ANK3: variants seen among roughly 807,000 people sequenced by gnomAD.
ANK3 encodes ankyrin-3.
Under a neutral mutation model 370.9 loss-of-function variants are expected in ANK3, and 57 were observed. The ratio of observed to expected loss-of-function variants is 0.15; its 90% confidence interval spans 0.12 to 0.19. The LOEUF is 0.19. ANK3 is among the 10% of genes least tolerant of loss of function. The pLI is 1.00. For synonymous variants in ANK3, 1,929 were observed against 1,946.3 expected (o/e 0.99, Z 0.23); for missense variants, 4,439 against 5,302.1 (o/e 0.84, Z 5.06).
chr10:60,169,957 A>G (rs958460663), intron 21 of ANK3, among the ~76,000 whole-genome samples: 7 of 152,066 alleles, frequency 4.6e-5, no homozygotes, highest in African/African-American at 1.7e-4. Context: ...TGACACTCTA[A>G]GATGTTCCAG....
chr10:60,478,131 T>A (rs981188954), intron 2 of ANK3, among the ~76,000 whole-genome samples: 1 of 152,072 alleles, frequency 6.6e-6, no homozygotes, highest in Non-Finnish European at 1.5e-5. Flanking sequence ...TTTCCTGATA[T>A]AACATTTATA....
intron 1 of ANK3, among the ~76,000 whole-genome samples, chr10:60,382,453 A>G (rs940420755): frequency 6.6e-6 from 1 of 152,144 alleles, no homozygotes; most frequent in African/African-American, 2.4e-5. Context: ...AACCAATTAA[A>G]TCTAAATTGA....
intron 23 of ANK3, chr10:60,140,500 T>A: frequency 6.5e-7 from 1 of 1,546,916 alleles, no homozygotes; most frequent in Admixed American, 1.9e-5. Context: ...TCACCACCGC[T>A]GAATTCCTCT....
At chr10:60,496,438 T>A (rs945993713) in intron 2 of ANK3, among the ~76,000 whole-genome samples, 1 of 152,168 alleles carries the variant, frequency 6.6e-6, no homozygotes, top group African/African-American at 2.4e-5. Context: ...AAACAAACCA[T>A]TGGTAAAACA....
At chr10:60,208,895 G>T (rs1393596084) in intron 9 of ANK3, among the ~76,000 whole-genome samples, 7 of 152,294 alleles carry the variant, frequency 4.6e-5, no homozygotes, top group Non-Finnish European at 1.5e-5. Context: ...ATGAGGAAAG[G>T]CAAGGCATTG....
chr10:60,679,179 G>T (rs2079162733), intron 1 of ANK3, among the ~76,000 whole-genome samples: 1 of 152,164 alleles, frequency 6.6e-6, no homozygotes, highest in African/African-American at 2.4e-5. Context: ...GGACAGGGCA[G>T]GCAAAGAGCT....
chr10:60,349,105 G>T (rs1030525192), intron 1 of ANK3, among the ~76,000 whole-genome samples: 12 of 152,112 alleles, frequency 7.9e-5, no homozygotes, highest in Admixed American at 6.6e-4. Flanking sequence ...CATCAGTACC[G>T]CCACAACTTA....
chr10:60,207,981 GCAGCA>G, intron 10 of ANK3, 50 bp downstream of exon 10: 1 of 1,457,326 alleles, frequency 6.9e-7, no homozygotes. Flanking sequence ...ACATACAGAG[GCAGCA>G]CGTTGTGAGC....
At chr10:60,546,542 A>G (rs1386012453) in intron 2 of ANK3, among the ~76,000 whole-genome samples, 2 of 152,158 alleles carry the variant, frequency 1.3e-5, no homozygotes, top group African/African-American at 4.8e-5. Context: ...CTTTAGAGTA[A>G]ATTCTTATTC....
intron 2 of ANK3, among the ~76,000 whole-genome samples, chr10:60,416,588 CTT>C (rs1333369506): frequency 6.6e-6 from 1 of 152,146 alleles, no homozygotes; most frequent in African/African-American, 2.4e-5. Flanking sequence ...CATTAGGAAA[CTT>C]TTGGAATGAT....
rs1482486948 is a variant in ANK3, at chr10:60,080,544, A to C, written c.4425T>G (p.Pro1475=). 2.5e-6 allele frequency: 4 copies of C among 1,612,480 alleles called. No individual in the cohort carries two copies. The highest frequency in any genetic ancestry group is 3.4e-6 in the Non-Finnish European group (4 of 1,179,060). The part of the protein sequence containing the change: ...LRKRYSYLTE[P]GMIERSTGAT... ...ATGTGTTAGGAAACTCACTCATTCCAGGCTCAGTCAAGTAGCTGTAGCGCT... is the reference window on the plus strand; with the variant it reads ...ATGTGTTAGGAAACTCACTCATTCCCGGCTCAGTCAAGTAGCTGTAGCGCT... The change falls in exon 36 of 44, where the codon CCT becomes CCG. Residue 1475 remains proline, a synonymous_variant. Transcript: ENST00000280772.
chr10:60,395,596 C>CTTTCTT lies in ANK3; in HGVS notation c.97-115963_97-115958dup, dbSNP rs1555367198. Among the ~76,000 whole-genome samples, 146 of 123,958 alleles carry CTTTCTT rather than the reference C, an allele frequency of 1.2e-3. 1 individual carries two copies. The highest frequency in any genetic ancestry group is 4.3e-3 in the African/African-American group (124 of 28,892). The allele number at this position is 123,958 out of a possible 152,430, so 81.3% of individuals were successfully genotyped here. ...TCTTTCTTTCTTTCTTTCTTTCTTT[C>CTTTCTT]TTTCTTTCTTTCTCTCTTTCGTTCT... On this transcript the variant is annotated intron_variant, in intron 2 of 43. Transcript: ENST00000373827.
chr10:60,146,638 G>A (rs1205331246), intron 23 of ANK3, among the ~76,000 whole-genome samples: 1 of 152,026 alleles, frequency 6.6e-6, no homozygotes, highest in Non-Finnish European at 1.5e-5. Context: ...ACAGGCACCC[G>A]CCACCAAGCC....
intron 2 of ANK3, among the ~76,000 whole-genome samples, chr10:60,405,959 G>A (rs933534457): frequency 1.4e-4 from 21 of 152,054 alleles, no homozygotes; most frequent in Admixed American, 6.6e-5. Context: ...CCCTTTTTCA[G>A]TTTACATATA....
chr10:60,051,036 A>T lies in ANK3; in HGVS notation c.13065+4622T>A, dbSNP rs1335031611. On this transcript the variant is annotated intron_variant, in intron 42 of 43. Transcript: ENST00000280772. The stretch of plus-strand genomic sequence containing the variant: ...TTAATTTAAAAATTCTTAAGGCAGT[A>T]GGAATTTGAGACTGAGAAGGAAGCC... Among the ~76,000 whole-genome samples, 5 of 152,136 alleles carry T rather than the reference A, an allele frequency of 3.3e-5. No individual in the cohort carries two copies. The East Asian group carries it at 9.6e-4, about 29-fold the overall frequency.
chr10:60,541,487 C>G (rs2076847697), intron 2 of ANK3, among the ~76,000 whole-genome samples: 1 of 151,944 alleles, frequency 6.6e-6, no homozygotes, highest in African/African-American at 2.4e-5. Context: ...TTAAACTGCT[C>G]TGCAATACTG....
chr10:60,625,029 CTT>C (rs1191790129), intron 1 of ANK3, among the ~76,000 whole-genome samples: 1 of 152,076 alleles, frequency 6.6e-6, no homozygotes, highest in Non-Finnish European at 1.5e-5. Flanking sequence ...CCTTTGGCAT[CTT>C]GTCTGGCCAA....
At chr10:60,186,568 G>T in intron 17 of ANK3, 147 bp downstream of exon 17, 2 of 931,664 alleles carry the variant, frequency 2.1e-6, no homozygotes, top group Non-Finnish European at 1.7e-6. Flanking sequence ...TTTTTGCTCT[G>T]TTAAGTAACA....
rs184731685 is a variant in ANK3, at chr10:60,468,025, C to T, written c.96+147161G>A. On this transcript the variant is annotated intron_variant, in intron 2 of 43. Coordinates refer to the ANK3 transcript ENST00000373827. ...TTGAGATGGAGTTTTGCTCTTGTTG[C>T]CCAGGCTAGAGTGCAGTGGCATGAT... Among the ~76,000 whole-genome samples, 382 of 146,116 alleles carry T rather than the reference C, an allele frequency of 2.6e-3. 3 individuals carry two copies. The highest frequency in any genetic ancestry group is 9.3e-3 in the African/African-American group (368 of 39,770).
Sources: allele counts gnomAD v4.1 joint callset (sites outside exome capture counted in the v4.1 genomes callset), GRCh38; gene constraint gnomAD v4.1.1; transcripts MANE v1.5; gene names NCBI Gene and HGNC (gene_info 2026-07-23, HGNC 2026-07-21).